FAM161A: variants seen among roughly 807,000 people sequenced by gnomAD.
The protein encoded by FAM161A is FAM161 centrosomal protein A.
FAM161A carries 57 observed loss-of-function variants against 70.9 expected under a neutral mutation model. The observed-to-expected ratio is 0.80, with a 90% CI of 0.65 to 1.00. The LOEUF is 1.00. FAM161A is among the 50% of genes least tolerant of loss of function. The pLI is 0.00. For missense variants in FAM161A, 880 were observed against 836.0 expected, an observed-to-expected ratio of 1.05 and a Z score of -0.65; for synonymous variants, 299 against 295.7, an observed-to-expected ratio of 1.01 and a Z score of -0.12.
chr2:61,836,859 C>A, intron 4 of FAM161A: 1 of 246,404 alleles, frequency 4.1e-6, no homozygotes, highest in South Asian at 4.1e-5. Context: ...CAGGCATGAG[C>A]CATTGCGCCT....
chr2:61,805,221 T>TGTTG, the FAM161A span, among the ~76,000 whole-genome samples: 3 of 152,160 alleles, frequency 2.0e-5, no homozygotes, highest in African/African-American at 7.2e-5. Flanking sequence ...GCATATAGCC[T>TGTTG]CCATGTATTG....
At chr2:61,813,580 G>A in the FAM161A span, among the ~76,000 whole-genome samples, 707 of 147,174 alleles carry the variant, frequency 4.8e-3, 4 homozygotes, top group Middle Eastern at 0.018. Flanking sequence ...AGAGCCAGAT[G>A]TGGTGGCATG....
Position 61,839,774 on chromosome 2 carries a change from C to T in FAM161A, c.1230G>A (p.Arg410=), listed in dbSNP as rs772828768. Reference sequence around the variant, plus strand: ...TCAACTTTACAGCCTGTTCAGGACACCTGGGGTTCCTGCATCCACAAGCTG... The same window carrying T: ...TCAACTTTACAGCCTGTTCAGGACATCTGGGGTTCCTGCATCCACAAGCTG... ...CRSACGCRNP[R]CPEQAVKLKC... Residue 410 remains arginine, a synonymous_variant, in exon 3 of 7, where the codon AGG becomes AGA. Transcript: ENST00000404929. The T allele has an allele frequency of 9.3e-6, 15 of 1,613,972 alleles. No individual in the cohort carries two copies. In the East Asian group the frequency reaches 2.0e-4, roughly 22 times the overall value.
intron 5 of FAM161A, among the ~76,000 whole-genome samples, chr2:61,830,090 T>C (rs745573402): frequency 1.7e-4 from 26 of 152,128 alleles, no homozygotes; most frequent in Non-Finnish European, 3.5e-4. Flanking sequence ...ATAAATGGAA[T>C]TGGTGAGAAT....
chr2:61,840,548 G>C lies in FAM161A; in HGVS notation c.456C>G (p.Val152=). The C allele has an allele frequency of 6.2e-7, 1 of 1,613,156 alleles. No individual in the cohort carries two copies. Among genetic ancestry groups the C allele is most frequent in the Non-Finnish European group, 8.5e-7 (1 of 1,179,134 alleles). ...GCTCTGAAAATGATGTCATTAATGAGACAGGGTGATAGGAGTTCTTTTCTG... is the reference window on the plus strand; with the variant it reads ...GCTCTGAAAATGATGTCATTAATGACACAGGGTGATAGGAGTTCTTTTCTG... The part of the protein sequence containing the change: ...SVSEKNSYHP[V]SLMTSFSEPD... Residue 152 remains valine (V), a synonymous_variant, in exon 3 of 7, where the codon GTC becomes GTG. Coordinates refer to ENST00000404929, the MANE Select transcript of FAM161A (RefSeq NM_001201543.2).
intron 1 of FAM161A, among the ~76,000 whole-genome samples, chr2:61,842,561 C>A (rs1195065054): frequency 6.6e-6 from 1 of 152,190 alleles, no homozygotes; most frequent in African/African-American, 2.4e-5. Flanking sequence ...CGAGAGGGAG[C>A]AAGACCAAAC....
chr2:61,825,271 G>A lies in FAM161A; in HGVS notation c.*1184C>T, dbSNP rs1193378891. 5 of 454,024 alleles carry A rather than the reference G, an allele frequency of 1.1e-5. No individual in the cohort carries two copies. The Admixed American group carries it at 1.2e-4, about 11-fold the overall frequency. The allele number at this position is 454,024 out of a possible 1,614,324, so 28.1% of individuals were successfully genotyped here. ...ATCAGATTAACACTGTACACAGAGA[G>A]ATAAAGTGTGTTGGCAATAATATGT... On this transcript the variant is annotated 3_prime_UTR_variant, in exon 7 of 7. Transcript: ENST00000404929.
At chr2:61,837,167 C>G (rs1414358977) in intron 4 of FAM161A, among the ~76,000 whole-genome samples, 1 of 152,150 alleles carries the variant, frequency 6.6e-6, no homozygotes, top group East Asian at 1.9e-4. Flanking sequence ...GGCATCCAGC[C>G]TTTGCTGTTA....
intron 5 of FAM161A, among the ~76,000 whole-genome samples, chr2:61,827,754 C>T (rs986927437): frequency 2.0e-5 from 3 of 152,056 alleles, no homozygotes; most frequent in African/African-American, 7.3e-5. Context: ...ATATGAGTCC[C>T]AAGGGAGGAC....
At chr2:61,817,208 C>G in the FAM161A span, among the ~76,000 whole-genome samples, 4 of 152,146 alleles carry the variant, frequency 2.6e-5, no homozygotes, top group African/African-American at 9.7e-5. Context: ...GTTGTGTGTG[C>G]CCTGTGAGTC....
the FAM161A span, chr2:61,803,442 CA>C: frequency 1.5e-6 from 1 of 658,726 alleles, no homozygotes; most frequent in Non-Finnish European, 2.8e-6. Context: ...CTGCAAAGGC[CA>C]GTGTTGGTGC....
the FAM161A span, among the ~76,000 whole-genome samples, chr2:61,816,713 C>T: frequency 3.4e-4 from 52 of 152,290 alleles, no homozygotes; most frequent in African/African-American, 1.0e-3. Context: ...ATGATCTTCC[C>T]ACTTCGGCCT....
rs1673589588 is a variant in FAM161A, at chr2:61,853,987, C to T, written c.55G>A (p.Val19Ile). ...KLVASSLQTP[V>I]NPITGARVAQ... Reference sequence around the variant, plus strand: ...ACCCGCGCTCCAGTGATGGGATTTACCGGGGTCTGGAGACTGGAGGCCACC... The same window carrying T: ...ACCCGCGCTCCAGTGATGGGATTTATCGGGGTCTGGAGACTGGAGGCCACC... Residue 19 changes from valine (V) to isoleucine (I), a missense_variant, in exon 1 of 7, where the codon GTA (valine) becomes ATA (isoleucine). Val to Ile is a conservative substitution (Grantham distance 29). Coordinates refer to ENST00000404929, the MANE Select transcript of FAM161A (RefSeq NM_001201543.2). 2 of 1,613,712 alleles carry T rather than the reference C, an allele frequency of 1.2e-6. No homozygotes were observed. The highest frequency in any genetic ancestry group is 1.7e-6 in the Non-Finnish European group (2 of 1,179,770).
chr2:61,845,445 C>G (rs1673169980), intron 1 of FAM161A, among the ~76,000 whole-genome samples: 1 of 152,120 alleles, frequency 6.6e-6, no homozygotes, highest in South Asian at 2.1e-4. Context: ...CAGTGGTAGA[C>G]AGGAAATGGA....
In FAM161A at chr2:61,826,235, A is replaced by G. The variant is rs1316359257; in HGVS notation, c.*220T>C. ...AATACAAAATCATAGTTGCAAACAGATAATACACAATGATTTTTAAAACTG... is the reference window on the plus strand; with the variant it reads ...AATACAAAATCATAGTTGCAAACAGGTAATACACAATGATTTTTAAAACTG... On this transcript the variant is annotated 3_prime_UTR_variant, in exon 7 of 7. Transcript: ENST00000404929. The G allele has an allele frequency of 1.0e-5, 7 of 676,576 alleles. No individual in the cohort carries two copies. The highest frequency in any genetic ancestry group is 1.6e-5 in the Non-Finnish European group (6 of 370,936). 41.9% of individuals were successfully genotyped at this position (676,576 alleles called of 1,614,324 possible).
At chr2:61,806,066 A>C in the FAM161A span, among the ~76,000 whole-genome samples, 10 of 152,158 alleles carry the variant, frequency 6.6e-5, no homozygotes, top group African/African-American at 2.4e-4. Flanking sequence ...AAAAATACAA[A>C]AATTAGCCGG....
At chr2:61,850,273 G>A (rs1673452090) in intron 1 of FAM161A, among the ~76,000 whole-genome samples, 1 of 151,946 alleles carries the variant, frequency 6.6e-6, no homozygotes, top group Admixed American at 6.6e-5. Context: ...GCACACGCCT[G>A]TAATCCCAGC....
In FAM161A at chr2:61,824,927, A is replaced by G. The variant is rs1672291520; in HGVS notation, c.*1528T>C. On this transcript the variant is annotated 3_prime_UTR_variant, in exon 7 of 7. Coordinates refer to ENST00000404929, the MANE Select transcript of FAM161A (RefSeq NM_001201543.2). Reference sequence around the variant, plus strand: ...TGTTCCAAATATTAAGGGAATACAAAGATGAATTTTTAAATGGTGCCAAAT... The same window carrying G: ...TGTTCCAAATATTAAGGGAATACAAGGATGAATTTTTAAATGGTGCCAAAT... 2.2e-6 allele frequency: 1 copy of G among 452,266 alleles called. No individual in the cohort carries two copies. Among genetic ancestry groups the G allele is most frequent in the Admixed American group, 2.4e-5 (1 of 42,182 alleles). 28.0% of individuals were successfully genotyped at this position (452,266 alleles called of 1,614,324 possible). A position where few individuals can be genotyped will look rare whatever the true frequency, so the allele number is the denominator to read the frequency against.
At chr2:61,801,787 CT>C in the FAM161A span, among the ~76,000 whole-genome samples, 7 of 151,990 alleles carry the variant, frequency 4.6e-5, no homozygotes, top group Non-Finnish European at 1.0e-4. Context: ...TCTCAAACTC[CT>C]GACCTCAGGT....
Sources: allele counts gnomAD v4.1 joint callset (sites outside exome capture counted in the v4.1 genomes callset), GRCh38; gene constraint gnomAD v4.1.1; transcripts MANE v1.5; gene names NCBI Gene and HGNC (gene_info 2026-07-23, HGNC 2026-07-21).